The following JAK1 variants were observed in gnomAD, a reference collection of about 807,000 sequenced individuals.
JAK1 encodes Janus kinase 1, also known as tyrosine-protein kinase JAK1.
JAK1 carries 16 observed loss-of-function variants against 136.6 expected under a neutral mutation model. The ratio of observed to expected loss-of-function variants is 0.12; its 90% CI spans 0.08 to 0.18. JAK1 has a LOEUF of 0.18. Ranked by LOEUF, JAK1 falls within the 10% of genes least tolerant of loss-of-function variation. The probability of loss-of-function intolerance (pLI) is 1.00; values close to 1 mark genes in which losing one functional copy is unlikely to be tolerated. For missense variants in JAK1, 859 were observed against 1,450.1 expected, an observed-to-expected ratio of 0.59 and a Z score of 6.62; for synonymous variants, 492 against 519.5, an observed-to-expected ratio of 0.95 and a Z score of 0.72.
intron 1 of JAK1, among the ~76,000 whole-genome samples, chr1:65,065,595 A>G (rs1648003248): frequency 1.3e-5 from 2 of 151,574 alleles, no homozygotes; most frequent in East Asian, 2.0e-4. Context: ...TATTCAGGAC[A>G]GGAGACCCTT....
rs537977851 is a variant in JAK1 at position 64,995,871 on chromosome 1, C to T, written c.-78+48609G>A. Among the ~76,000 whole-genome samples the T allele has an allele frequency of 1.7e-3, 254 of 152,076 alleles. 2 individuals are homozygous for T. The highest frequency in any genetic ancestry group is 3.1e-3 in the Non-Finnish European group (213 of 67,974). ...CTCCCACCTCAGCCTCCTGAGTAGC[C>T]GGGACTACAGCTGTGCGCCACCCCA... On this transcript the variant is annotated intron_variant, in intron 2 of 25. Transcript: ENST00000671954.
At chr1:64,879,260 G>GT in intron 3 of JAK1, 112 bp from the exon 4 acceptor site, 1 of 1,289,028 alleles carries the variant, frequency 7.8e-7, no homozygotes. Flanking sequence ...CAAAGAATCT[G>GT]GGTCACTCAT....
chr1:64,857,523 G>T, intron 10 of JAK1, 133 bp downstream of exon 10: 1 of 1,248,468 alleles, frequency 8.0e-7, no homozygotes, highest in Non-Finnish European at 1.1e-6. Flanking sequence ...GACCTCCCAG[G>T]GATCTTCTCA....
chr1:64,968,931 CAAAAAAA>C (rs10708307), upstream of JAK1, among the ~76,000 whole-genome samples: 4 of 64,048 alleles, frequency 6.2e-5, no homozygotes, highest in African/African-American at 1.2e-4. Context: ...GACTCCCTCT[CAAAAAAA>C]AAAAAAAAAA....
At chr1:64,916,039 C>G (rs1489784332) in intron 1 of JAK1, among the ~76,000 whole-genome samples, 1 of 152,170 alleles carries the variant, frequency 6.6e-6, no homozygotes, top group Non-Finnish European at 1.5e-5. Context: ...TGGGAGTTCC[C>G]CAATGAATGG....
intron 1 of JAK1, among the ~76,000 whole-genome samples, chr1:64,930,548 T>C (rs1156331173): frequency 6.6e-6 from 1 of 152,164 alleles, no homozygotes; most frequent in Non-Finnish European, 1.5e-5. Context: ...ATGCTGTTGG[T>C]GGGAGTATAA....
chr1:64,994,675 A>T (rs1468034997), intron 2 of JAK1, among the ~76,000 whole-genome samples: 1 of 152,152 alleles, frequency 6.6e-6, no homozygotes, highest in Non-Finnish European at 1.5e-5. Flanking sequence ...TTTTCAACAC[A>T]TGCTTTTTTG....
chr1:64,990,659 C>G (rs902377710), intron 2 of JAK1: 1 of 152,022 alleles, frequency 6.6e-6, no homozygotes, highest in Non-Finnish European at 1.5e-5. Flanking sequence ...CGGTCGCTCA[C>G]GCCTGTAATC....
intron 1 of JAK1, among the ~76,000 whole-genome samples, chr1:64,906,042 C>T (rs1645185363): frequency 1.3e-5 from 2 of 152,198 alleles, no homozygotes; most frequent in Admixed American, 1.3e-4. Flanking sequence ...TCTCAAATAT[C>T]CAACTACCTT....
chr1:65,032,245 C>A (rs529740791), intron 2 of JAK1, among the ~76,000 whole-genome samples: 1 of 152,128 alleles, frequency 6.6e-6, no homozygotes, highest in South Asian at 2.1e-4. Context: ...GGATTACAGG[C>A]GTGAGCCACC....
intron 2 of JAK1, among the ~76,000 whole-genome samples, chr1:64,978,966 T>C (rs989702854): frequency 6.6e-6 from 1 of 152,360 alleles, no homozygotes; most frequent in South Asian, 2.1e-4. Flanking sequence ...ATTCCGTGCA[T>C]CTTTATTGTT....
At chr1:64,958,212 C>A (rs1646225025) in intron 1 of JAK1, among the ~76,000 whole-genome samples, 1 of 152,202 alleles carries the variant, frequency 6.6e-6, no homozygotes, top group Non-Finnish European at 1.5e-5. Flanking sequence ...AGGTGGCCTG[C>A]TTCCTAAATC....
At chr1:65,002,865 T>C (rs1646772681) in intron 2 of JAK1, among the ~76,000 whole-genome samples, 1 of 152,114 alleles carries the variant, frequency 6.6e-6, no homozygotes, top group South Asian at 2.1e-4. Flanking sequence ...GGGCGGGCAG[T>C]CTCTGCCCCC....
intron 9 of JAK1, among the ~76,000 whole-genome samples, chr1:64,858,159 G>T (rs1311982574): frequency 6.6e-6 from 1 of 152,204 alleles, no homozygotes; most frequent in African/African-American, 2.4e-5. Flanking sequence ...AAACCTCATG[G>T]GGGTGGGAAC....
At chr1:65,007,555 T>C (rs1481035072) in intron 2 of JAK1, among the ~76,000 whole-genome samples, 1 of 151,848 alleles carries the variant, frequency 6.6e-6, no homozygotes, top group African/African-American at 2.4e-5. Flanking sequence ...CCACCTCCCA[T>C]GTTCAAGCAA....
At chr1:65,047,947 GA>G (rs1463700062) in intron 1 of JAK1, among the ~76,000 whole-genome samples, 1 of 152,062 alleles carries the variant, frequency 6.6e-6, no homozygotes, top group African/African-American at 2.4e-5. Flanking sequence ...CAGTTCAATA[GA>G]AAGTCCTCAA....
chr1:64,914,020 G>A (rs946661187), intron 1 of JAK1, among the ~76,000 whole-genome samples: 2 of 152,148 alleles, frequency 1.3e-5, no homozygotes, highest in Admixed American at 6.5e-5. Context: ...AGAGGCAGGC[G>A]TGGTCAACCC....
upstream of JAK1, among the ~76,000 whole-genome samples, chr1:64,969,609 T>C (rs1442785690): frequency 3.9e-5 from 6 of 152,122 alleles, no homozygotes; most frequent in Non-Finnish European, 8.8e-5. Context: ...ACAGCCTATC[T>C]AAGGCAGTGG....
At chr1:65,052,005 G>C (rs1230981312) in intron 1 of JAK1, among the ~76,000 whole-genome samples, 4 of 152,116 alleles carry the variant, frequency 2.6e-5, no homozygotes, top group Non-Finnish European at 5.9e-5. Flanking sequence ...ACCCAGGCTG[G>C]AGTGCAGTGG....
Sources: allele counts gnomAD v4.1 joint callset (sites outside exome capture counted in the v4.1 genomes callset), GRCh38; gene constraint gnomAD v4.1.1; transcripts MANE v1.5; gene names NCBI Gene and HGNC (gene_info 2026-07-23, HGNC 2026-07-21).